The following PTPRN2 variants were observed in gnomAD, a reference collection of about 807,000 sequenced individuals.
PTPRN2 encodes the protein protein tyrosine phosphatase receptor type N2.
In PTPRN2, 74 loss-of-function variants were observed where a neutral mutation model predicts 118.8. The ratio of observed to expected loss-of-function variants is 0.62; its 90% CI spans 0.52 to 0.76. PTPRN2 has a LOEUF of 0.76. Ranked by LOEUF, PTPRN2 falls within the 30% of genes least tolerant of loss-of-function variation. The probability of loss-of-function intolerance (pLI) is 0.00; values close to 1 mark genes in which losing one functional copy is unlikely to be tolerated. For missense variants in PTPRN2, 1,481 were observed against 1,394.4 expected (o/e 1.06, Z -0.99); for synonymous variants, 641 against 608.0 (o/e 1.05, Z -0.80).
At chr7:157,942,785 C>G (rs1282775596) in intron 11 of PTPRN2, among the ~76,000 whole-genome samples, 1 of 152,192 alleles carries the variant, frequency 6.6e-6, no homozygotes, top group African/African-American at 2.4e-5. Context: ...CATCCTCCTG[C>G]CATCTCTGAT....
chr7:158,337,738 C>G (rs1419243583), intron 2 of PTPRN2, among the ~76,000 whole-genome samples: 17 of 145,388 alleles, frequency 1.2e-4, no homozygotes, highest in East Asian at 2.1e-4. Context: ...CACTCACAAC[C>G]ACACTCTCAC....
intron 2 of PTPRN2, among the ~76,000 whole-genome samples, chr7:158,356,785 G>GC (rs1808417438): frequency 5.2e-5 from 1 of 19,398 alleles, no homozygotes; most frequent in South Asian, 1.7e-3. Flanking sequence ...GGTGAAAAGA[G>GC]CTAAAAAAAA....
intron 12 of PTPRN2, among the ~76,000 whole-genome samples, chr7:157,772,358 TACAC>T (rs565086651): frequency 3.2e-4 from 46 of 143,422 alleles, no homozygotes; most frequent in Non-Finnish European, 5.2e-4. Flanking sequence ...CACACACACA[TACAC>T]ACAGACACAG....
chr7:158,490,458 C>G (rs777350941), intron 1 of PTPRN2, among the ~76,000 whole-genome samples: 1 of 152,228 alleles, frequency 6.6e-6, no homozygotes, highest in Non-Finnish European at 1.5e-5. Context: ...CCTGGGTGGC[C>G]AGGCGACCCC....
intron 2 of PTPRN2, among the ~76,000 whole-genome samples, chr7:158,341,986 C>G (rs577541567): frequency 2.0e-5 from 3 of 150,452 alleles, no homozygotes; most frequent in East Asian, 4.0e-4. Flanking sequence ...CACACTCTCA[C>G]CATAAGAGGT....
At chr7:158,417,837 C>T (rs1219575289) in intron 2 of PTPRN2, among the ~76,000 whole-genome samples, 1 of 138,452 alleles carries the variant, frequency 7.2e-6, no homozygotes. Flanking sequence ...TGTTAAGTCA[C>T]AGTGTACTAC....
chr7:158,467,395 G>A (rs73526814), intron 2 of PTPRN2, among the ~76,000 whole-genome samples: 90 of 152,006 alleles, frequency 5.9e-4, no homozygotes, highest in African/African-American at 1.2e-3. Flanking sequence ...ATTTTCTCCC[G>A]CCCTGTAGGC....
intron 2 of PTPRN2, among the ~76,000 whole-genome samples, chr7:158,449,651 C>A (rs1480771718): frequency 1.3e-5 from 2 of 152,192 alleles, no homozygotes; most frequent in East Asian, 1.9e-4. Context: ...AGGAGTTCAG[C>A]CCTTACTTCT....
chr7:157,983,560 G>C (rs1803480241), intron 11 of PTPRN2, among the ~76,000 whole-genome samples: 1 of 152,168 alleles, frequency 6.6e-6, no homozygotes, highest in Admixed American at 6.5e-5. Context: ...ATGACTTTCA[G>C]GGCTGTGGCC....
At chr7:158,359,304 C>T (rs755933959) in intron 2 of PTPRN2, among the ~76,000 whole-genome samples, 31 of 152,168 alleles carry the variant, frequency 2.0e-4, no homozygotes, top group African/African-American at 6.5e-4. Context: ...ACCTCAAGCA[C>T]GAAATGAATG....
Position 157,726,683 on chromosome 7 carries a change from C to A in PTPRN2, c.1789-43746G>T, listed in dbSNP as rs144541538. On this transcript the variant is annotated intron_variant, in intron 12 of 22. Coordinates refer to ENST00000389418, the MANE Select transcript of PTPRN2 (RefSeq NM_002847.5). Reference sequence around the variant, plus strand: ...TTTGATGACACTCAAAACGTTTGTGCGTCAAAGCGCACCATCCAGAGAGCG... The same window carrying A: ...TTTGATGACACTCAAAACGTTTGTGAGTCAAAGCGCACCATCCAGAGAGCG... 2.0e-3 allele frequency among the ~76,000 whole-genome samples: 299 copies of A among 152,264 alleles called. 2 individuals are homozygous for A. Among genetic ancestry groups the A allele is most frequent in the African/African-American group, 6.7e-3 (279 of 41,560 alleles).
chr7:158,457,682 G>A (rs1356230761), intron 2 of PTPRN2, among the ~76,000 whole-genome samples: 2 of 102,578 alleles, frequency 1.9e-5, no homozygotes, highest in East Asian at 5.3e-4. Flanking sequence ...GGGCGAGCCT[G>A]GCCTGGGGGG....
rs1234449060 is a variant in PTPRN2, at chr7:157,881,114, CATT to C, written c.1788+17556_1788+17558del. Among the ~76,000 whole-genome samples, 2 of 151,612 alleles carry C rather than the reference CATT, an allele frequency of 1.3e-5. No individual in the cohort carries two copies. The highest frequency in any genetic ancestry group is 2.9e-5 in the Non-Finnish European group (2 of 67,978). ...TGGAGATGGGGGTGTTTACAGTAGT[CATT>C]ATGATAAAATGAAGTCATGAGGGTA... On this transcript the variant is annotated intron_variant, in intron 12 of 22. Coordinates refer to ENST00000389418, the MANE Select transcript of PTPRN2 (RefSeq NM_002847.5). The surrounding 1 kb of genome is among the most constrained non-coding windows in gnomAD (Gnocchi z 4.7).
chr7:157,655,808 T>C (rs1445961316), intron 14 of PTPRN2, among the ~76,000 whole-genome samples: 3 of 152,060 alleles, frequency 2.0e-5, no homozygotes, highest in Non-Finnish European at 4.4e-5. Flanking sequence ...CACACACGCG[T>C]GATCACTCCA....
At chr7:157,734,207 G>A (rs1800157973) in intron 12 of PTPRN2, among the ~76,000 whole-genome samples, 1 of 147,686 alleles carries the variant, frequency 6.8e-6, no homozygotes, top group African/African-American at 2.6e-5. Context: ...TCCGTCCCAT[G>A]CGCCCAGCAC....
At chr7:158,508,678 CGG>C in intron 1 of PTPRN2, among the ~76,000 whole-genome samples, 2 of 64,728 alleles carry the variant, frequency 3.1e-5, no homozygotes, top group South Asian at 8.1e-4. Context: ...GTGGGACGCT[CGG>C]AGCAGGTGCG....
chr7:157,825,315 G>A (rs573968983), intron 12 of PTPRN2, among the ~76,000 whole-genome samples: 32 of 152,252 alleles, frequency 2.1e-4, no homozygotes, highest in African/African-American at 7.7e-4. Context: ...AGCCATCTGG[G>A]ATCATGAGGA....
At chr7:158,252,778 C>T (rs1402624613) in intron 3 of PTPRN2, among the ~76,000 whole-genome samples, 1 of 152,082 alleles carries the variant, frequency 6.6e-6, no homozygotes, top group Non-Finnish European at 1.5e-5. Flanking sequence ...GCATCACATG[C>T]AAAGCCAGAG....
In PTPRN2 at chr7:158,133,913, C is replaced by A. The variant is rs2150440200; in HGVS notation, c.1320G>T (p.Glu440Asp). 1 of 1,613,980 alleles carries A rather than the reference C, an allele frequency of 6.2e-7. No homozygotes were observed. Among genetic ancestry groups the A allele is most frequent in the South Asian group, 1.1e-5 (1 of 91,082 alleles). The change falls in exon 9 of 23, where the codon GAG (glutamate) becomes GAT (aspartate). Residue 440 changes from glutamate to aspartate, a missense_variant. Around this residue, in one of 3 missense-constraint regions of PTPRN2, gnomAD observed 1,115 missense variants for 994.2 expected, o/e 1.12. Transcript: ENST00000389418. ...TCTTGACGTTCTCCACTCCGGCAGT[C>A]TCCTCTTCTGAAGACAGGGAAGACT... ...HPESSLSSEE[E>D]TAGVENVKSQ...
Sources: allele counts gnomAD v4.1 joint callset (sites outside exome capture counted in the v4.1 genomes callset), GRCh38; gene constraint gnomAD v4.1.1; regional missense constraint gnomAD v4.1.1; non-coding constraint Gnocchi (gnomAD v3.1); transcripts MANE v1.5; gene names NCBI Gene and HGNC (gene_info 2026-07-23, HGNC 2026-07-21).